Variants in DOCK11 observed in about 807,000 individuals in gnomAD.
DOCK11 encodes the protein dedicator of cytokinesis 11.
In DOCK11, 70 loss-of-function variants were observed where a neutral mutation model predicts 169.1. The ratio of observed to expected loss-of-function variants is 0.41; its 90% confidence interval spans 0.34 to 0.51. DOCK11 has a LOEUF of 0.51. DOCK11 is among the 20% of genes least tolerant of loss of function. The pLI, the probability that DOCK11 is intolerant of heterozygous loss-of-function variation, is 0.10. For missense variants in DOCK11, 1,166 were observed against 1,538.8 expected (o/e 0.76, Z 4.05); for synonymous variants, 529 against 541.3 (o/e 0.98, Z 0.32).
chrX:118,540,356 G>C lies in DOCK11; in HGVS notation c.103-2369G>C, dbSNP rs187615215. ...AATTGATCTCAGACTGTGAGCGTTAGAGCTGGAAGATGCAGTCAGTTTCCT... is the reference window on the plus strand; with the variant it reads ...AATTGATCTCAGACTGTGAGCGTTACAGCTGGAAGATGCAGTCAGTTTCCT... On this transcript the variant is annotated intron_variant, in intron 1 of 52. Coordinates refer to ENST00000276202, the MANE Select transcript of DOCK11 (RefSeq NM_144658.4). Among the ~76,000 whole-genome samples, 5 of 111,497 alleles carry C rather than the reference G, an allele frequency of 4.5e-5. No individual in the cohort carries two copies. The East Asian group carries it at 1.4e-3, about 31-fold the overall frequency.
At chrX:118,658,213 A>G (rs1312863573) in intron 44 of DOCK11, among the ~76,000 whole-genome samples, 1 of 112,304 alleles carries the variant, frequency 8.9e-6, no homozygotes, top group East Asian at 2.8e-4. Flanking sequence ...AGAGGGAAGG[A>G]GCATTAGAGT....
intron 28 of DOCK11, among the ~76,000 whole-genome samples, chrX:118,614,408 ATG>A (rs899103150): frequency 9.0e-6 from 1 of 110,839 alleles, no homozygotes; most frequent in African/African-American, 3.3e-5. Context: ...CTGTGTATGT[ATG>A]TGTGTGTATG....
intron 28 of DOCK11, among the ~76,000 whole-genome samples, chrX:118,613,749 T>C (rs778593287): frequency 3.6e-5 from 4 of 111,662 alleles, no homozygotes; most frequent in Non-Finnish European, 7.5e-5. Flanking sequence ...GGCAGGAGGA[T>C]TGTTTAAGGC....
At chrX:118,626,732 A>G (rs1336500604) in intron 32 of DOCK11, among the ~76,000 whole-genome samples, 2 of 112,291 alleles carry the variant, frequency 1.8e-5, no homozygotes, top group Non-Finnish European at 3.8e-5. Context: ...GAATGTGGAT[A>G]CTACACCTAC....
intron 34 of DOCK11, among the ~76,000 whole-genome samples, chrX:118,629,624 C>T (rs1374123677): frequency 9.1e-6 from 1 of 110,061 alleles, no homozygotes; most frequent in Non-Finnish European, 1.9e-5. Flanking sequence ...GTGTAATTAT[C>T]GTAATATAAT....
intron 46 of DOCK11, 91 bp from the exon 47 acceptor site, chrX:118,675,845 T>C (rs1217357222): frequency 1.9e-6 from 1 of 527,257 alleles, no homozygotes; most frequent in Non-Finnish European, 3.0e-6. Flanking sequence ...GAAAAGAATA[T>C]ACTGGTGCTT....
chrX:118,652,919 C>CA (rs910938781), intron 42 of DOCK11, among the ~76,000 whole-genome samples: 1 of 111,932 alleles, frequency 8.9e-6, no homozygotes, highest in African/African-American at 3.2e-5. Flanking sequence ...ATCTAAGTAC[C>CA]AAAAAATATT....
chrX:118,572,270 T>A (rs2013300441), intron 10 of DOCK11, 53 bp from the exon 11 acceptor site: 2 of 1,057,644 alleles, frequency 1.9e-6, no homozygotes, highest in African/African-American at 3.7e-5. Flanking sequence ...TTGATGTAAA[T>A]CAATATGAAT....
intron 28 of DOCK11, among the ~76,000 whole-genome samples, chrX:118,613,932 C>T (rs1455194997): frequency 2.7e-5 from 3 of 111,913 alleles, no homozygotes; most frequent in African/African-American, 9.7e-5. Flanking sequence ...TATGAGTGTT[C>T]TTGAATGGCA....
chrX:118,642,570 G>T (rs1050031181), intron 39 of DOCK11, among the ~76,000 whole-genome samples: 1 of 111,530 alleles, frequency 9.0e-6, no homozygotes, highest in African/African-American at 3.3e-5. Flanking sequence ...TGGGGAAACT[G>T]GGGCCCACAG....
chrX:118,592,860 A>C (rs1471426976), intron 19 of DOCK11, among the ~76,000 whole-genome samples: 1 of 112,759 alleles, frequency 8.9e-6, no homozygotes, highest in Non-Finnish European at 1.9e-5. Context: ...TTCAGTGTAC[A>C]TTTTAAATGG....
chrX:118,556,397 T>TC (rs1293429240), intron 6 of DOCK11, among the ~76,000 whole-genome samples: 76 of 109,576 alleles, frequency 6.9e-4, no homozygotes, highest in African/African-American at 1.7e-3. Context: ...CTATGTTTAA[T>TC]CTTTGATGCA....
chrX:118,608,097 T>G lies in DOCK11; in HGVS notation c.2707T>G (p.Cys903Gly), dbSNP rs1313824957. ...TMVLLHIVSK[C>G]HEEGLDSYLR... ...GGTTCTCTTACATATTGTATCAAAG[T>G]GCCATGAAGAAGGCTTGGATAGTTA... The change falls in exon 25 of 53, where the codon TGC becomes GGC. Residue 903 changes from cysteine to glycine, a missense_variant. Physicochemically the swap from Cys to Gly is radical, Grantham distance 159. Coordinates refer to ENST00000276202, the MANE Select transcript of DOCK11 (RefSeq NM_144658.4). 8.3e-7 allele frequency: 1 copy of G among 1,204,663 alleles called. No individual in the cohort carries two copies. Among genetic ancestry groups the G allele is most frequent in the Non-Finnish European group, 1.1e-6 (1 of 892,833 alleles).
chrX:118,503,972 G>GC (rs2057593678), intron 1 of DOCK11, among the ~76,000 whole-genome samples: 2 of 110,897 alleles, frequency 1.8e-5, no homozygotes, highest in African/African-American at 6.6e-5. Context: ...GCCCTGAGGA[G>GC]CAGGGGGTCA....
At chrX:118,515,044 G>A (rs754995696) in intron 1 of DOCK11, among the ~76,000 whole-genome samples, 1 of 111,529 alleles carries the variant, frequency 9.0e-6, no homozygotes, top group East Asian at 2.8e-4. Context: ...TTCCAGCTCT[G>A]GTAGCTACCA....
chrX:118,569,115 GA>G (rs2013189087), intron 10 of DOCK11, among the ~76,000 whole-genome samples: 1 of 7,947 alleles, frequency 1.3e-4, no homozygotes, highest in Admixed American at 1.3e-3. Context: ...TTTTTTTTTT[GA>G]GATGGAGTTT....
At chrX:118,500,134 C>T (rs12848702) in intron 1 of DOCK11, among the ~76,000 whole-genome samples, 10,361 of 107,974 alleles carry the variant, frequency 0.096, 415 homozygotes, top group African/African-American at 0.13. Flanking sequence ...CTGCAAGCTC[C>T]GCCTCCCGGG....
Position 118,639,453 on chromosome X carries a change from G to A in DOCK11, c.4020G>A (p.Leu1340=), listed in dbSNP as rs1432380665. 11 of 1,209,021 alleles carry A rather than the reference G, an allele frequency of 9.1e-6. No homozygotes were observed. The highest frequency in any genetic ancestry group is 8.8e-5 in the Admixed American group (4 of 45,656). ...ATTTTAGGGTGCATGATGCCTGGCTGTCAAAACACTTCGGAATAGACCGAA... is the reference window on the plus strand; with the variant it reads ...ATTTTAGGGTGCATGATGCCTGGCTATCAAAACACTTCGGAATAGACCGAA... The part of the protein sequence containing the change: ...RNIARVHDAW[L]SKHFGIDRKS... Residue 1340 remains leucine (L), a synonymous_variant, in exon 38 of 53, where the codon CTG becomes CTA. Coordinates refer to ENST00000276202, the MANE Select transcript of DOCK11 (RefSeq NM_144658.4).
At chrX:118,615,369 A>G (rs774898844) in intron 29 of DOCK11, among the ~76,000 whole-genome samples, 1 of 112,160 alleles carries the variant, frequency 8.9e-6, no homozygotes, top group Admixed American at 9.5e-5. Flanking sequence ...GCAACTTAAC[A>G]TGTAGGGAAC....
Sources: allele counts gnomAD v4.1 joint callset (sites outside exome capture counted in the v4.1 genomes callset), GRCh38; gene constraint gnomAD v4.1.1; transcripts MANE v1.5; gene names NCBI Gene and HGNC (gene_info 2026-07-23, HGNC 2026-07-21).